LRMDA: variants seen among roughly 807,000 people sequenced by gnomAD.
The protein encoded by LRMDA is leucine rich melanocyte differentiation associated.
Under a neutral mutation model 29.8 loss-of-function variants are expected in LRMDA, and 18 were observed. That is an observed-to-expected ratio of 0.60 (90% CI 0.42 to 0.90). LRMDA has a LOEUF of 0.90. Among genes scored for constraint, LRMDA ranks in the 40% least tolerant of loss-of-function variants. The pLI, the probability that LRMDA is intolerant of heterozygous loss-of-function variation, is 0.00. For synonymous variants in LRMDA, 125 were observed against 109.4 expected (o/e 1.14, Z -0.89); for missense variants, 273 against 273.9 (o/e 1.00, Z 0.02).
chr10:76,286,559 A>G (rs1283649726), intron 5 of LRMDA, among the ~76,000 whole-genome samples: 1 of 152,184 alleles, frequency 6.6e-6, no homozygotes. Context: ...AGACCAGCTG[A>G]TGGGCTTCAG....
At chr10:75,961,063 C>A (rs1368590448) in intron 2 of LRMDA, among the ~76,000 whole-genome samples, 1 of 152,152 alleles carries the variant, frequency 6.6e-6, no homozygotes, top group Non-Finnish European at 1.5e-5. Context: ...AATACTGGAG[C>A]TCATATGAAC....
At chr10:75,611,979 C>T (rs921639534) in intron 2 of LRMDA, among the ~76,000 whole-genome samples, 2 of 152,192 alleles carry the variant, frequency 1.3e-5, no homozygotes, top group African/African-American at 4.8e-5. Context: ...CCCTCTGCTG[C>T]CTTAAGGTTC....
chr10:75,915,079 T>C (rs1845907636), intron 2 of LRMDA, among the ~76,000 whole-genome samples: 1 of 150,940 alleles, frequency 6.6e-6, no homozygotes, highest in African/African-American at 2.4e-5. Flanking sequence ...TCAGAGAAGT[T>C]TAAAGCTGAA....
chr10:76,272,115 C>T (rs1393107579), intron 5 of LRMDA, among the ~76,000 whole-genome samples: 2 of 152,162 alleles, frequency 1.3e-5, no homozygotes, highest in Non-Finnish European at 2.9e-5. Context: ...ATATGTTATT[C>T]CCACCTGACT....
chr10:76,339,237 T>A (rs1242811351), intron 6 of LRMDA, among the ~76,000 whole-genome samples: 1 of 144,272 alleles, frequency 6.9e-6, no homozygotes, highest in African/African-American at 2.6e-5. Context: ...TTAGAAATTA[T>A]ATTAAAAAAG....
chr10:76,110,622 A>G (rs752198651), intron 5 of LRMDA, among the ~76,000 whole-genome samples: 20 of 152,106 alleles, frequency 1.3e-4, no homozygotes, highest in Non-Finnish European at 2.2e-4. Flanking sequence ...CGTCTTTCCC[A>G]TGCTCTTCTC....
chr10:76,235,661 C>T (rs76330276), intron 5 of LRMDA, among the ~76,000 whole-genome samples: 1,791 of 152,130 alleles, frequency 0.012, 43 homozygotes, highest in African/African-American at 0.038. Context: ...TAAGATTCTA[C>T]GGGAGGGAAT....
chr10:76,505,550 G>T (rs959328967), intron 6 of LRMDA, among the ~76,000 whole-genome samples: 1 of 152,026 alleles, frequency 6.6e-6, no homozygotes, highest in Admixed American at 6.6e-5. Context: ...GGTCTATTCT[G>T]CTGTTAATGC....
Position 76,013,523 on chromosome 10 carries a change from G to A in LRMDA, c.132-22485G>A, listed in dbSNP as rs115858444. ...TCTTTAAGGATAAAAGGGTCTGTGG[G>A]TATACAAAGAAAGTGAGGGCCTTTG... On this transcript the variant is annotated intron_variant, in intron 2 of 6. Coordinates refer to ENST00000611255, the MANE Select transcript of LRMDA (RefSeq NM_001305581.2). Among the ~76,000 whole-genome samples the A allele has an allele frequency of 2.0e-3, 308 of 152,206 alleles. 3 individuals are homozygous for A. Among genetic ancestry groups the A allele is most frequent in the African/African-American group, 7.0e-3 (289 of 41,542 alleles).
intron 6 of LRMDA, among the ~76,000 whole-genome samples, chr10:76,450,476 T>C (rs1012190938): frequency 6.6e-6 from 1 of 152,138 alleles, no homozygotes; most frequent in African/African-American, 2.4e-5. Context: ...ATTTAAAGCC[T>C]TATAAGCATA....
At chr10:76,174,280 C>T (rs1328777260) in intron 5 of LRMDA, among the ~76,000 whole-genome samples, 2 of 151,918 alleles carry the variant, frequency 1.3e-5, no homozygotes, top group East Asian at 3.9e-4. Flanking sequence ...TACCATTACC[C>T]ACAAAAATTT....
At chr10:76,365,107 T>TGTATATATATATATATATATACAC (rs1554816036) in intron 6 of LRMDA, among the ~76,000 whole-genome samples, 2 of 61,202 alleles carry the variant, frequency 3.3e-5, no homozygotes, top group African/African-American at 4.7e-5. Flanking sequence ...TATATATATA[T>TGTATATATATATATATATATACAC]ACACACACAC....
intron 5 of LRMDA, among the ~76,000 whole-genome samples, chr10:76,281,367 A>T (rs1276140810): frequency 6.6e-6 from 1 of 152,210 alleles, no homozygotes; most frequent in Non-Finnish European, 1.5e-5. Flanking sequence ...AATAGGGAAC[A>T]GTGAAATTGT....
chr10:75,784,102 GA>G (rs1174445587), intron 2 of LRMDA, among the ~76,000 whole-genome samples: 5 of 152,200 alleles, frequency 3.3e-5, no homozygotes, highest in Admixed American at 3.3e-4. Flanking sequence ...GGGTTCATAT[GA>G]TTAAACTCTG....
At chr10:75,777,649 A>G (rs1275797896) in intron 2 of LRMDA, among the ~76,000 whole-genome samples, 1 of 152,198 alleles carries the variant, frequency 6.6e-6, no homozygotes, top group East Asian at 1.9e-4. Context: ...ATTGTGGTCT[A>G]GCGGTTAAGA....
At chr10:75,821,141 G>T (rs910039119) in intron 2 of LRMDA, among the ~76,000 whole-genome samples, 3 of 152,082 alleles carry the variant, frequency 2.0e-5, no homozygotes, top group Non-Finnish European at 4.4e-5. Context: ...TGAGGAGGAG[G>T]GAATCCTTCC....
intron 2 of LRMDA, among the ~76,000 whole-genome samples, chr10:75,717,955 T>A (rs1394082907): frequency 2.6e-5 from 4 of 152,236 alleles, no homozygotes; most frequent in African/African-American, 2.4e-5. Context: ...AAGTGTTTTA[T>A]TGCCTCAAAA....
chr10:75,825,804 T>G (rs1049527822), intron 2 of LRMDA, among the ~76,000 whole-genome samples: 1 of 152,188 alleles, frequency 6.6e-6, no homozygotes, highest in Non-Finnish European at 1.5e-5. Context: ...GCCAGATACA[T>G]AGGCACTGTT....
intron 2 of LRMDA, among the ~76,000 whole-genome samples, chr10:75,954,124 T>C (rs1242918266): frequency 6.6e-6 from 1 of 152,198 alleles, no homozygotes; most frequent in Non-Finnish European, 1.5e-5. Context: ...ACATCAGCTG[T>C]ACAGCTGCAA....
Sources: gnomAD v4.1 joint callset for allele counts (sites outside exome capture counted in the v4.1 genomes callset) on GRCh38, gnomAD v4.1.1 for gene constraint, MANE v1.5 for transcripts, NCBI Gene and HGNC (gene_info 2026-07-23, HGNC 2026-07-21) for gene names.